Variants in ETV6 observed in about 807,000 individuals in gnomAD.
ETV6 encodes transcription factor ETV6.
Under a neutral mutation model 51.1 loss-of-function variants are expected in ETV6, and 16 were observed. The observed-to-expected ratio is 0.31, with a 90% confidence interval of 0.21 to 0.48. The LOEUF (loss-of-function observed/expected upper bound fraction) is 0.48, where lower values mean the gene tolerates loss of function less well. Among genes scored for constraint, ETV6 ranks in the 20% least tolerant of loss-of-function variants. The pLI, the probability that ETV6 is intolerant of heterozygous loss-of-function variation, is 0.99. For missense variants in ETV6, 458 were observed against 594.8 expected (o/e 0.77, Z 2.39); for synonymous variants, 240 against 224.1 (o/e 1.07, Z -0.64).
intron 5 of ETV6, among the ~76,000 whole-genome samples, chr12:11,878,474 T>C (rs1450952475): frequency 1.3e-5 from 2 of 152,108 alleles, no homozygotes; most frequent in Non-Finnish European, 2.9e-5. Flanking sequence ...CTTATTAGGT[T>C]CTGACTGCGG....
intron 5 of ETV6, among the ~76,000 whole-genome samples, chr12:11,871,301 G>C (rs1373239525): frequency 6.7e-6 from 1 of 149,782 alleles, no homozygotes; most frequent in Non-Finnish European, 1.5e-5. Context: ...TCATTCTCCT[G>C]CCTCAGCCTC....
rs531565523 is a variant in ETV6, at chr12:11,778,485, T to A, written c.163+25906T>A. The stretch of plus-strand genomic sequence containing the variant: ...ACCATCTGAGATTCCTGGGGCTGGG[T>A]ATAGTGCCTGATGCTCTCAATATAT... On this transcript the variant is annotated intron_variant, in intron 2 of 7. Transcript: ENST00000396373. 3.2e-4 allele frequency among the ~76,000 whole-genome samples: 49 copies of A among 152,324 alleles called. No homozygotes were observed. The South Asian group carries it at 0.01, about 32-fold the overall frequency.
At chr12:11,706,571 G>T (rs1363405006) in intron 1 of ETV6, among the ~76,000 whole-genome samples, 2 of 152,196 alleles carry the variant, frequency 1.3e-5, no homozygotes, top group African/African-American at 4.8e-5. Flanking sequence ...TACCTGGCAG[G>T]TTACTGAGTT....
chr12:11,723,314 A>G (rs143445126), intron 1 of ETV6, among the ~76,000 whole-genome samples: 7 of 152,296 alleles, frequency 4.6e-5, no homozygotes, highest in East Asian at 3.9e-4. Flanking sequence ...AGCACTTACT[A>G]TAGGCCAGAG....
chr12:11,716,715 C>G (rs1865286985), intron 1 of ETV6: 1 of 152,204 alleles, frequency 6.6e-6, no homozygotes, highest in Non-Finnish European at 1.5e-5. Flanking sequence ...CTTTCCAGCT[C>G]TAAAATTATG....
At chr12:11,775,470 G>A (rs764125766) in intron 2 of ETV6, among the ~76,000 whole-genome samples, 6 of 152,182 alleles carry the variant, frequency 3.9e-5, no homozygotes, top group Non-Finnish European at 7.3e-5. Context: ...TGTCTTTAGG[G>A]TAATTTTGTA....
At chr12:11,769,528 G>T (rs145146701) in intron 2 of ETV6, among the ~76,000 whole-genome samples, 1,868 of 152,200 alleles carry the variant, frequency 0.012, 39 homozygotes, top group African/African-American at 0.043. Context: ...AAAATACTAT[G>T]TAGGTGTCAT....
rs11613179 is a variant in ETV6 at position 11,781,021 on chromosome 12, A to G, written c.163+28442A>G. Reference sequence around the variant, plus strand: ...GATGTTAGCAAACTATGCAAATCTCAATGAGTTTTGTTTCCTAATTCTGTT... The same window carrying G: ...GATGTTAGCAAACTATGCAAATCTCGATGAGTTTTGTTTCCTAATTCTGTT... On this transcript the variant is annotated intron_variant, in intron 2 of 7. Coordinates refer to ENST00000396373, the MANE Select transcript of ETV6 (RefSeq NM_001987.5). 3.6e-3 allele frequency among the ~76,000 whole-genome samples: 554 copies of G among 152,330 alleles called. 2 individuals are homozygous for G. The highest frequency in any genetic ancestry group is 0.013 in the African/African-American group (538 of 41,562).
intron 2 of ETV6, among the ~76,000 whole-genome samples, chr12:11,791,567 C>T (rs993400923): frequency 2.6e-5 from 4 of 152,178 alleles, no homozygotes; most frequent in African/African-American, 7.2e-5. Context: ...GTAGTTGTAG[C>T]TTTGTATTCG....
chr12:11,690,936 A>C (rs1864748066), intron 1 of ETV6, among the ~76,000 whole-genome samples: 1 of 151,472 alleles, frequency 6.6e-6, no homozygotes. Flanking sequence ...TAGTGTAATA[A>C]CCAACTATGT....
At position 11,886,019 on chromosome 12, in the gene ETV6, T is replaced by A. The variant is rs1188038379; in HGVS notation, c.1246T>A (p.Leu416Met). 1.2e-6 allele frequency: 2 copies of A among 1,611,268 alleles called. No homozygotes were observed. The highest frequency in any genetic ancestry group is 1.7e-4 in the Middle Eastern group (1 of 6,060). ...IIRKEPGQRL[L>M]FRFMKTPDEI... ...CAGGAAGGAGCCAGGACAAAGGCTT[T>A]TGTTCAGGTAGCACTTCCTTTTTCT... The change falls in exon 7 of 8, where the codon TTG becomes ATG. Residue 416 changes from leucine to methionine, a missense_variant. Coordinates refer to ENST00000396373, the MANE Select transcript of ETV6 (RefSeq NM_001987.5).
chr12:11,886,465 C>CT (rs34621404), intron 7 of ETV6, among the ~76,000 whole-genome samples: 195 of 149,632 alleles, frequency 1.3e-3, no homozygotes, highest in African/African-American at 2.2e-3. Flanking sequence ...TCCATCAGAG[C>CT]TTTTTTTTTT....
intron 1 of ETV6, among the ~76,000 whole-genome samples, chr12:11,692,156 G>GTTAATGGA (rs772248014): frequency 2.0e-5 from 3 of 152,140 alleles, no homozygotes; most frequent in African/African-American, 7.2e-5. Context: ...CCATTCATGG[G>GTTAATGGA]TTAATGGATT....
At chr12:11,684,180 G>A (rs1397653117) in intron 1 of ETV6, among the ~76,000 whole-genome samples, 1 of 152,204 alleles carries the variant, frequency 6.6e-6, no homozygotes, top group Non-Finnish European at 1.5e-5. Flanking sequence ...ATGTGTACAT[G>A]CAGTTCTTTC....
intron 3 of ETV6, among the ~76,000 whole-genome samples, chr12:11,844,069 A>G (rs139830144): frequency 6.6e-6 from 1 of 151,928 alleles, no homozygotes; most frequent in Non-Finnish European, 1.5e-5. Flanking sequence ...TCAGAGAGGT[A>G]TTTGAGTACT....
intron 2 of ETV6, among the ~76,000 whole-genome samples, chr12:11,808,444 CAA>C (rs76127717): frequency 2.2e-5 from 3 of 135,890 alleles, no homozygotes; most frequent in Middle Eastern, 3.7e-3. Flanking sequence ...AAACAAAAAA[CAA>C]AAAAAAAAAA....
intron 2 of ETV6, among the ~76,000 whole-genome samples, chr12:11,789,191 C>A (rs1945540138): frequency 6.6e-6 from 1 of 151,940 alleles, no homozygotes; most frequent in African/African-American, 2.4e-5. Context: ...AGCCACCATG[C>A]CCAGCTAATT....
At chr12:11,788,889 A>G (rs1443072053) in intron 2 of ETV6, among the ~76,000 whole-genome samples, 1 of 151,962 alleles carries the variant, frequency 6.6e-6, no homozygotes, top group Non-Finnish European at 1.5e-5. Flanking sequence ...TTTGGACAGA[A>G]CAATTTAGTG....
intron 4 of ETV6, among the ~76,000 whole-genome samples, chr12:11,865,032 A>T (rs912570230): frequency 2.6e-5 from 4 of 152,158 alleles, no homozygotes; most frequent in Non-Finnish European, 5.9e-5. Context: ...TGGGCGGATC[A>T]TGAGGTCAGG....
Sources: allele counts gnomAD v4.1 joint callset (sites outside exome capture counted in the v4.1 genomes callset), GRCh38; gene constraint gnomAD v4.1.1; transcripts MANE v1.5; gene names NCBI Gene and HGNC (gene_info 2026-07-23, HGNC 2026-07-21).